The following FRMD1 variants were observed in gnomAD, a reference collection of about 807,000 sequenced individuals.
FRMD1 encodes the protein FERM domain containing 1.
Under a neutral mutation model 54.9 loss-of-function variants are expected in FRMD1, and 51 were observed. The ratio of observed to expected loss-of-function variants is 0.93; its 90% confidence interval spans 0.74 to 1.17. The LOEUF is 1.17. Among genes scored for constraint, FRMD1 ranks in the 50% most tolerant of loss-of-function variants. The pLI is 0.00. For missense variants in FRMD1, 729 were observed against 743.0 expected (o/e 0.98, Z 0.22); for synonymous variants, 324 against 306.4 (o/e 1.06, Z -0.60).
At chr6:168,058,026 C>T (rs915974334) in intron 10 of FRMD1, among the ~76,000 whole-genome samples, 5 of 152,234 alleles carry the variant, frequency 3.3e-5, no homozygotes, top group African/African-American at 9.6e-5. Context: ...AGAGCTCAGG[C>T]GGCTTCGGGC....
upstream of FRMD1, among the ~76,000 whole-genome samples, chr6:168,080,583 G>T (rs36063852): frequency 0.28 from 42,528 of 152,010 alleles, 6,937 homozygotes; most frequent in South Asian, 0.54. Context: ...CGGCGTATCA[G>T]GAAGGGCGGC....
In FRMD1 at chr6:168,079,119, G is replaced by C. The variant is rs760410858; in HGVS notation, c.-25C>G. On this transcript the variant is annotated 5_prime_UTR_variant, in exon 1 of 11. Coordinates refer to ENST00000283309, the MANE Select transcript of FRMD1 (RefSeq NM_024919.6). The stretch of plus-strand genomic sequence containing the variant: ...TGCTGTCGTTACTCGGCCCTCCCCC[G>C]CCATGGGTCGCAGGTGGGTGCTCAG... 2 of 1,568,606 alleles carry C rather than the reference G, an allele frequency of 1.3e-6. No individual in the cohort carries two copies. Among genetic ancestry groups the C allele is most frequent in the South Asian group, 1.2e-5 (1 of 86,560 alleles).
intron 1 of FRMD1, among the ~76,000 whole-genome samples, chr6:168,076,116 A>G (rs28369095): frequency 0.89 from 135,061 of 152,228 alleles, 59,928 homozygotes; most frequent in South Asian, 0.91. Context: ...CAGCAGAGGC[A>G]GCGTTCTCAG....
upstream of FRMD1, among the ~76,000 whole-genome samples, chr6:168,085,572 G>T (rs1280433546): frequency 6.6e-6 from 1 of 152,220 alleles, no homozygotes; most frequent in Non-Finnish European, 1.5e-5. Flanking sequence ...GTGCAGAGGA[G>T]GTCGGTCACT....
At chr6:168,081,573 A>C, upstream of FRMD1, 1 of 1,415,076 alleles carries the variant, frequency 7.1e-7, no homozygotes, top group Non-Finnish European at 9.3e-7. Context: ...CCTGCTGAGA[A>C]CATTCTAGAA....
rs558238117 is a variant in FRMD1, at chr6:168,067,215, C to T, written c.384+152G>A. 11 of 658,160 alleles carry T rather than the reference C, an allele frequency of 1.7e-5. No individual in the cohort carries two copies. In the South Asian group the frequency reaches 1.8e-4, roughly 11 times the overall value. 40.8% of individuals were successfully genotyped at this position (658,160 alleles called of 1,614,324 possible). On this transcript the variant is annotated intron_variant, in intron 3 of 10. Transcript: ENST00000283309. ...CCACCCCACGCATCCCACCACTGTC[C>T]ACCGTGGTGCCCTGCTCTCTCCCAA... is the stretch of plus-strand genomic sequence containing the variant.
intron 1 of FRMD1, among the ~76,000 whole-genome samples, chr6:168,088,857 C>T (rs149355924): frequency 7.4e-4 from 109 of 146,902 alleles, no homozygotes; most frequent in Admixed American, 1.8e-3. Flanking sequence ...GTGTGACCCA[C>T]CGGCCTGCCT....
upstream of FRMD1, among the ~76,000 whole-genome samples, chr6:168,082,016 C>G (rs1322516635): frequency 6.6e-6 from 1 of 152,250 alleles, no homozygotes; most frequent in Non-Finnish European, 1.5e-5. Flanking sequence ...CATAGGTCAA[C>G]CCATTCCACC....
At chr6:168,069,308 G>T (rs1800186855) in intron 2 of FRMD1, among the ~76,000 whole-genome samples, 1 of 152,232 alleles carries the variant, frequency 6.6e-6, no homozygotes, top group South Asian at 2.1e-4. Flanking sequence ...TTGGTAGACA[G>T]CCACAATCAT....
At chr6:168,067,672 A>G (rs981373967) in intron 2 of FRMD1, 16 of 506,546 alleles carry the variant, frequency 3.2e-5, no homozygotes, top group Non-Finnish European at 4.9e-5. Context: ...TCCAACGTGT[A>G]GGAATATTAC....
chr6:168,090,969 C>T lies in FRMD1; in HGVS notation c.-12+10456G>A, dbSNP rs115125034. On this transcript the variant is annotated intron_variant, in intron 1 of 12. Coordinates refer to the FRMD1 transcript ENST00000644440. Reference sequence around the variant, plus strand: ...AGGCCATTTGCTGGAGACCTCAGGTCGGCAGGAAGCCCTCACTGGCCACCC... The same window carrying T: ...AGGCCATTTGCTGGAGACCTCAGGTTGGCAGGAAGCCCTCACTGGCCACCC... 3.3e-3 allele frequency among the ~76,000 whole-genome samples: 505 copies of T among 152,306 alleles called. 4 individuals carry two copies. Among genetic ancestry groups the T allele is most frequent in the African/African-American group, 0.012 (479 of 41,566 alleles).
In FRMD1 at chr6:168,057,077, T is replaced by C; in HGVS notation, c.*20A>G. The stretch of plus-strand genomic sequence containing the variant: ...GGGCTGAGCCTGGCGGTGCGGACGG[T>C]ACTGCTGGGTGGGTGGTGCCTACAC... On this transcript the variant is annotated 3_prime_UTR_variant, in exon 11 of 11. Transcript: ENST00000283309. 6.8e-7 allele frequency: 1 copy of C among 1,464,392 alleles called. No individual in the cohort carries two copies. The highest frequency in any genetic ancestry group is 9.1e-7 in the Non-Finnish European group (1 of 1,104,424). The allele number at this position is 1,464,392 out of a possible 1,614,324, so 90.7% of individuals were successfully genotyped here. A position where few individuals can be genotyped will look rare whatever the true frequency, so the allele number is the denominator to read the frequency against.
chr6:168,079,194 TC>T lies in FRMD1; in HGVS notation c.-101del. 7.0e-7 allele frequency: 1 copy of T among 1,422,998 alleles called. No homozygotes were observed. The highest frequency in any genetic ancestry group is 9.2e-7 in the Non-Finnish European group (1 of 1,088,674). The allele number at this position is 1,422,998 out of a possible 1,614,324, so 88.1% of individuals were successfully genotyped here. A position where few individuals can be genotyped will look rare whatever the true frequency, so the allele number is the denominator to read the frequency against. On this transcript the variant is annotated 5_prime_UTR_variant, in exon 1 of 11. Coordinates refer to ENST00000283309, the MANE Select transcript of FRMD1 (RefSeq NM_024919.6). The stretch of plus-strand genomic sequence containing the variant: ...TTCCGGGACCCGCCCTTGCCGAGCT[TC>T]TCACTGGGAAGGGAATTGAGAGGGA...
chr6:168,065,511 C>A, intron 4 of FRMD1: 1 of 991,098 alleles, frequency 1.0e-6, no homozygotes, highest in Non-Finnish European at 1.2e-6. Context: ...AATCACAGGC[C>A]AGGTGGAGGC....
At chr6:168,087,307 G>C (rs1293832189) in intron 1 of FRMD1, among the ~76,000 whole-genome samples, 1 of 152,146 alleles carries the variant, frequency 6.6e-6, no homozygotes, top group Non-Finnish European at 1.5e-5. Context: ...GACCTCAAAT[G>C]ATCTGCCAAC....
chr6:168,057,919 G>A (rs763727023), intron 10 of FRMD1, among the ~76,000 whole-genome samples: 24 of 152,234 alleles, frequency 1.6e-4, no homozygotes, highest in Non-Finnish European at 2.4e-4. Flanking sequence ...GGCAGGCCAC[G>A]CCGAAGATTG....
intron 4 of FRMD1, chr6:168,066,494 G>T: frequency 8.6e-7 from 1 of 1,160,248 alleles, no homozygotes; most frequent in Non-Finnish European, 1.1e-6. Context: ...GTGAAACTCC[G>T]TCTCAAAACA....
chr6:168,053,310 G>C lies in FRMD1; in HGVS notation c.*3787C>G, dbSNP rs1799321318. 1 of 152,262 alleles carries C rather than the reference G, an allele frequency of 6.6e-6. No individual in the cohort carries two copies. Among genetic ancestry groups the C allele is most frequent in the Non-Finnish European group, 1.5e-5 (1 of 68,076 alleles). 9.4% of individuals were successfully genotyped at this position (152,262 alleles called of 1,614,324 possible). Reference sequence around the variant, plus strand: ...GAGAACGGTCATGGGCCCGGCTGCAGGACCGGCATTGCCTACCACGTCCAG... The same window carrying C: ...GAGAACGGTCATGGGCCCGGCTGCACGACCGGCATTGCCTACCACGTCCAG... On this transcript the variant is annotated 3_prime_UTR_variant, in exon 11 of 11. Coordinates refer to ENST00000283309, the MANE Select transcript of FRMD1 (RefSeq NM_024919.6).
chr6:168,062,572 C>G, intron 7 of FRMD1: 1 of 1,242,430 alleles, frequency 8.0e-7, no homozygotes, highest in East Asian at 2.6e-5. Context: ...AGGAAGGGAC[C>G]TGCACCTCTT....
Sources: allele counts gnomAD v4.1 joint callset (sites outside exome capture counted in the v4.1 genomes callset), GRCh38; gene constraint gnomAD v4.1.1; transcripts MANE v1.5; gene names NCBI Gene and HGNC (gene_info 2026-07-23, HGNC 2026-07-21).